The following CNOT10 variants were observed in gnomAD, a reference collection of about 807,000 sequenced individuals.
CNOT10 encodes the protein CCR4-NOT transcription complex subunit 10.
Under a neutral mutation model 94.6 loss-of-function variants are expected in CNOT10, and 30 were observed. The observed-to-expected ratio is 0.32, with a 90% CI of 0.24 to 0.43. CNOT10 has a LOEUF of 0.43. Ranked by LOEUF, CNOT10 falls within the 20% of genes least tolerant of loss-of-function variation. The probability of loss-of-function intolerance (pLI) is 1.00; values close to 1 mark genes in which losing one functional copy is unlikely to be tolerated. For synonymous variants in CNOT10, 289 were observed against 301.6 expected (o/e 0.96, Z 0.43); for missense variants, 759 against 877.2 (o/e 0.87, Z 1.70).
chr3:32,727,746 A>T lies in CNOT10; in HGVS notation c.1091A>T (p.Gln364Leu), dbSNP rs1362828049. Residue 364 changes from glutamine to leucine, a missense_variant, in exon 10 of 19, where the codon CAG becomes CTG. By Grantham distance (113) the Gln-to-Leu change is moderately radical. Transcript: ENST00000328834. ...GAGTTGCTGTATAACTGTGGAATTCAGCTTCTTCACATTGGAAGGCCTCTT... is the reference window on the plus strand; with the variant it reads ...GAGTTGCTGTATAACTGTGGAATTCTGCTTCTTCACATTGGAAGGCCTCTT... ...RYELLYNCGI[Q>L]LLHIGRPLAA... The T allele has an allele frequency of 6.2e-7, 1 of 1,613,962 alleles. No individual in the cohort carries two copies. The highest frequency in any genetic ancestry group is 1.3e-5 in the African/African-American group (1 of 74,906).
intron 3 of CNOT10, among the ~76,000 whole-genome samples, 181 bp downstream of exon 3, chr3:32,705,153 AT>A (rs956738553): frequency 6.6e-6 from 1 of 152,030 alleles, no homozygotes; most frequent in African/African-American, 2.4e-5. Context: ...TTGTGGGATC[AT>A]TTTTTTTAAT....
chr3:32,758,859 G>GT lies in CNOT10; in HGVS notation c.1596-591dup, dbSNP rs201201746. ...GTCTTCACATATGTTTGTTTAACCTGTTTTTTTTCCTTCAGTATTCCTTTA... is the reference window on the plus strand; with the variant it reads ...GTCTTCACATATGTTTGTTTAACCTGTTTTTTTTTCCTTCAGTATTCCTTTA... On this transcript the variant is annotated intron_variant, in intron 13 of 18. Coordinates refer to ENST00000328834, the MANE Select transcript of CNOT10 (RefSeq NM_015442.3). Among the ~76,000 whole-genome samples, 974 of 151,936 alleles carry GT rather than the reference G, an allele frequency of 6.4e-3. 7 individuals are homozygous for GT. Among genetic ancestry groups the GT allele is most frequent in the South Asian group, 0.019 (92 of 4,820 alleles).
intron 1 of CNOT10, among the ~76,000 whole-genome samples, chr3:32,694,725 G>C (rs1030310636): frequency 3.3e-5 from 5 of 152,074 alleles, no homozygotes; most frequent in Non-Finnish European, 7.4e-5. Flanking sequence ...GAGTAGCTGG[G>C]ATTATAGGTG....
At position 32,696,498 on chromosome 3, in the gene CNOT10, T is replaced by G. The variant is rs9825716; in HGVS notation, c.23-7370T>G. 5.2e-3 allele frequency among the ~76,000 whole-genome samples: 791 copies of G among 152,322 alleles called. 10 individuals are homozygous for G. The highest frequency in any genetic ancestry group is 0.017 in the African/African-American group (720 of 41,564). On this transcript the variant is annotated intron_variant, in intron 1 of 18. Transcript: ENST00000328834. ...TAGGTAAAATAATGGTTCGTTAACA[T>G]GTAAAAGGTTATTTATTGAGCTCAG...
chr3:32,704,387 A>G (rs1369618177), intron 2 of CNOT10, among the ~76,000 whole-genome samples: 8 of 152,208 alleles, frequency 5.3e-5, no homozygotes, highest in Non-Finnish European at 1.0e-4. Flanking sequence ...GGCATTAAAC[A>G]ATATGAAAGA....
At chr3:32,756,895 T>G (rs1575299029) in intron 13 of CNOT10, among the ~76,000 whole-genome samples, 1 of 150,770 alleles carries the variant, frequency 6.6e-6, no homozygotes, top group East Asian at 2.0e-4. Context: ...GATCACAAGG[T>G]CAGGAGTTTC....
In CNOT10 at chr3:32,764,735, G is replaced by A. The variant is rs962843290; in HGVS notation, c.1930G>A (p.Val644Met). The A allele has an allele frequency of 8.7e-6, 14 of 1,614,054 alleles. No homozygotes were observed. Among genetic ancestry groups the A allele is most frequent in the Non-Finnish European group, 1.2e-5 (14 of 1,180,052 alleles). The stretch of plus-strand genomic sequence containing the variant: ...CAGTTCCGTCAACTCTGCCAGGACT[G>A]TGATGCTGTTCAACCTTGGCAGCGC... The part of the protein sequence containing the change: ...YPSSVNSART[V>M]MLFNLGSAYC... The change falls in exon 17 of 19, where the codon GTG becomes ATG. Residue 644 changes from valine to methionine, a missense_variant. Around this residue, in one of 3 missense-constraint regions of CNOT10, gnomAD observed 682 missense variants for 799.4 expected, o/e 0.85. Coordinates refer to ENST00000328834, the MANE Select transcript of CNOT10 (RefSeq NM_015442.3).
At chr3:32,759,414 A>G (rs1420112533) in intron 13 of CNOT10, 44 bp from the exon 14 acceptor site, 21 of 1,302,858 alleles carry the variant, frequency 1.6e-5, no homozygotes, top group Non-Finnish European at 2.1e-5. Context: ...ACCATTATCA[A>G]TGTTTAAAAT....
intron 13 of CNOT10, chr3:32,752,979 G>A (rs1055344617): frequency 1.9e-5 from 9 of 462,974 alleles, no homozygotes; most frequent in East Asian, 1.1e-4. Context: ...TACTCTAATC[G>A]ACGAGGACCC....
chr3:32,737,572 C>A (rs944240260), intron 13 of CNOT10, 82 bp downstream of exon 13: 2 of 873,728 alleles, frequency 2.3e-6, no homozygotes, highest in Admixed American at 2.4e-5. Context: ...TACCTCTAAT[C>A]CCAGCACTTT....
chr3:32,735,331 T>TCCGTCTCAAAAAAAAAAAAAAAAAAAAA (rs1273249188), intron 12 of CNOT10, among the ~76,000 whole-genome samples: 1 of 146,816 alleles, frequency 6.8e-6, no homozygotes, highest in African/African-American at 2.6e-5. Context: ...GGCGACAGAG[T>TCCGTCTCAAAAAAAAAAAAAAAAAAAAA]GAGACTTCAT....
chr3:32,696,385 G>A (rs1697071460), intron 1 of CNOT10, among the ~76,000 whole-genome samples: 1 of 151,910 alleles, frequency 6.6e-6, no homozygotes, highest in African/African-American at 2.4e-5. Flanking sequence ...CATATACTGG[G>A]CTCAAGCAAT....
intron 3 of CNOT10, among the ~76,000 whole-genome samples, chr3:32,707,218 G>GC (rs1486924969): frequency 6.6e-6 from 1 of 151,866 alleles, no homozygotes; most frequent in Non-Finnish European, 1.5e-5. Flanking sequence ...AAATTTAAAA[G>GC]CCCATTGCTA....
chr3:32,713,424 C>G (rs1309728081), intron 5 of CNOT10, 55 bp downstream of exon 5: 5 of 1,386,940 alleles, frequency 3.6e-6, no homozygotes, highest in South Asian at 1.4e-5. Context: ...ATTCTCTCTA[C>G]TTGTTGGTTT....
chr3:32,719,176 G>T (rs1698259572), intron 7 of CNOT10, among the ~76,000 whole-genome samples: 1 of 152,216 alleles, frequency 6.6e-6, no homozygotes, highest in African/African-American at 2.4e-5. Context: ...TTGAACCCGG[G>T]AGGCGGAGGT....
intron 10 of CNOT10, among the ~76,000 whole-genome samples, chr3:32,728,716 G>C (rs1053015630): frequency 1.1e-4 from 16 of 152,200 alleles, no homozygotes; most frequent in African/African-American, 3.9e-4. Flanking sequence ...AGAAAGTCAT[G>C]TATGTTGGAA....
At chr3:32,720,946 T>TC in intron 8 of CNOT10, among the ~76,000 whole-genome samples, 1 of 140,478 alleles carries the variant, frequency 7.1e-6, no homozygotes, top group East Asian at 2.2e-4. Flanking sequence ...CTTCTTCCCT[T>TC]CCTTCCCTTC....
At chr3:32,728,643 C>T (rs1036767662) in intron 10 of CNOT10, among the ~76,000 whole-genome samples, 1 of 151,932 alleles carries the variant, frequency 6.6e-6, no homozygotes, top group African/African-American at 2.4e-5. Flanking sequence ...TTTAAAAAGT[C>T]ATTTGTTAAC....
chr3:32,754,506 A>ATATATATATATATATATT (rs1700131606), intron 13 of CNOT10, among the ~76,000 whole-genome samples: 1 of 104,430 alleles, frequency 9.6e-6, no homozygotes, highest in African/African-American at 4.4e-5. Flanking sequence ...ATATATATAT[A>ATATATATATATATATATT]TATTTATTTT....
Sources: allele counts gnomAD v4.1 joint callset (sites outside exome capture counted in the v4.1 genomes callset), GRCh38; gene constraint gnomAD v4.1.1; regional missense constraint gnomAD v4.1.1; transcripts MANE v1.5; gene names NCBI Gene and HGNC (gene_info 2026-07-23, HGNC 2026-07-21).